FBF1: variants seen among roughly 807,000 people sequenced by gnomAD.
The protein encoded by FBF1 is fas-binding factor 1.
FBF1 carries 119 observed loss-of-function variants against 147.2 expected under a neutral mutation model. That is an observed-to-expected ratio of 0.81 (90% CI 0.70 to 0.94). FBF1 has a LOEUF of 0.94. Among genes scored for constraint, FBF1 ranks in the 40% least tolerant of loss-of-function variants. The probability of loss-of-function intolerance (pLI) is 0.00; values close to 1 mark genes in which losing one functional copy is unlikely to be tolerated. For missense variants in FBF1, 1,449 were observed against 1,500.8 expected, an observed-to-expected ratio of 0.97 and a Z score of 0.57; for synonymous variants, 601 against 609.0, an observed-to-expected ratio of 0.99 and a Z score of 0.19.
chr17:75,923,249 T>C lies in FBF1; in HGVS notation c.1361A>G (p.Gln454Arg). 6.3e-7 allele frequency: 1 copy of C among 1,590,898 alleles called. No individual in the cohort carries two copies. Among genetic ancestry groups the C allele is most frequent in the Non-Finnish European group, 8.6e-7 (1 of 1,169,150 alleles). Reference protein sequence around the residue: ...RKKSQGLAREQHAGTSEGLHL... With the variant: ...RKKSQGLARERHAGTSEGLHL... ...CAGGCCCTCAGAGGTCCCAGCATGC[T>C]GCTCTCTGGCCAGGCCTTGGGACTT... Residue 454 changes from glutamine (Q) to arginine (R), a missense_variant, in exon 14 of 30, where the codon CAG (glutamine) becomes CGG (arginine). Coordinates refer to ENST00000636174, the MANE Select transcript of FBF1 (RefSeq NM_001319193.2). The surrounding 1 kb of genome is among the most constrained non-coding windows in gnomAD (Gnocchi z 4.1).
At chr17:75,933,153 G>T in intron 4 of FBF1, 65 bp from the exon 5 acceptor site, 4 of 1,281,526 alleles carry the variant, frequency 3.1e-6, no homozygotes, top group South Asian at 1.3e-5. Context: ...AGATGCAAAG[G>T]CTGGCAAGCT....
chr17:75,922,133 T>C lies in FBF1; in HGVS notation c.1425-87A>G, dbSNP rs1279292771. 1 of 1,129,448 alleles carries C rather than the reference T, an allele frequency of 8.9e-7. No homozygotes were observed. The highest frequency in any genetic ancestry group is 2.6e-5 in the East Asian group (1 of 38,196). 70.0% of individuals were successfully genotyped at this position (1,129,448 alleles called of 1,614,324 possible). Reference sequence around the variant, plus strand: ...CAGGGCCCAGGACGGGCTTCACACGTGAAGCTCGTGGCCCCCCTTCCTCCT... The same window carrying C: ...CAGGGCCCAGGACGGGCTTCACACGCGAAGCTCGTGGCCCCCCTTCCTCCT... On this transcript the variant is annotated intron_variant, in intron 14 of 29. Coordinates refer to ENST00000636174, the MANE Select transcript of FBF1 (RefSeq NM_001319193.2). This position sits in a 1 kb window ranked among gnomAD's most constrained non-coding sequence, Gnocchi z 5.0.
chr17:75,927,308 G>T, intron 9 of FBF1, 147 bp downstream of exon 9: 1 of 666,692 alleles, frequency 1.5e-6, no homozygotes, highest in Non-Finnish European at 2.6e-6. Context: ...ATACAATATA[G>T]CTGGTCCCGA....
Position 75,913,781 on chromosome 17 carries a change from G to A in FBF1, c.3168C>T (p.Asp1056=). The A allele has an allele frequency of 6.2e-7, 1 of 1,605,960 alleles. No individual in the cohort carries two copies. Among genetic ancestry groups the A allele is most frequent in the Non-Finnish European group, 8.5e-7 (1 of 1,179,326 alleles). The change falls in exon 28 of 30, where the codon GAC becomes GAT. Residue 1056 remains aspartate (D), a synonymous_variant. Transcript: ENST00000636174. ...LSLAQQRLQL[D]RARQDLPSSL... is the part of the protein sequence containing the mutation. ...TAGAGGGCAGGTCCTGTCGTGCGCG[G>A]TCCAGTTGCAGCCTCTGCTGGGCCA...
At chr17:75,929,945 A>ACCCAC in intron 7 of FBF1, 52 bp downstream of exon 7, 1 of 650,910 alleles carries the variant, frequency 1.5e-6, no homozygotes. Context: ...AAATATCATG[A>ACCCAC]CCCCACCCCA....
rs1382166654 is a variant in FBF1, at chr17:75,919,787, C to T, written c.2019G>A (p.Leu673=). The change falls in exon 20 of 30, where the codon CTG becomes CTA. Residue 673 remains leucine (L), a synonymous_variant. Transcript: ENST00000636174. This position sits in a 1 kb window ranked among gnomAD's most constrained non-coding sequence, Gnocchi z 5.0. ...CCTGTTCGGCCTCCTGGCACTGCGA[C>T]AGATACCGAGCTGACAGCTCTTCGT... The part of the protein sequence containing the change: ...RENEELSARY[L]SQCQEAEQAR... 6.2e-7 allele frequency: 1 copy of T among 1,613,610 alleles called. No individual in the cohort carries two copies. The highest frequency in any genetic ancestry group is 1.7e-5 in the Admixed American group (1 of 60,006).
In FBF1 at chr17:75,920,369, G is replaced by C. The variant is rs530726157; in HGVS notation, c.1735C>G (p.Leu579Val). The change falls in exon 18 of 30, where the codon CTC becomes GTC. Residue 579 changes from leucine (L) to valine (V), a missense_variant. Leu to Val is a conservative substitution (Grantham distance 32, BLOSUM62 1). Transcript: ENST00000636174. The stretch of plus-strand genomic sequence containing the variant: ...TGAAGTTGCACCTGTGCTGCCAGGA[G>C]CTGCTTCTGGTATTCTGTGCTCGGC... ...LLPSTEYQKQ[L>V]LAAQVQLQCS... 3.1e-6 allele frequency: 5 copies of C among 1,605,804 alleles called. No individual in the cohort carries two copies. The African/African-American group carries it at 6.7e-5, about 21-fold the overall frequency.
Position 75,922,844 on chromosome 17 carries a change from C to T in FBF1, c.1424+342G>A, listed in dbSNP as rs941355474. Among the ~76,000 whole-genome samples the T allele has an allele frequency of 9.2e-5, 14 of 152,250 alleles. No individual in the cohort carries two copies. Among genetic ancestry groups the T allele is most frequent in the Admixed American group, 2.0e-4 (3 of 15,284 alleles). ...ACCGGCTGTTTGGATGCCGGGGCTTCCAGCCTGAGGGCGCTGTGACAGGGC... is the reference window on the plus strand; with the variant it reads ...ACCGGCTGTTTGGATGCCGGGGCTTTCAGCCTGAGGGCGCTGTGACAGGGC... On this transcript the variant is annotated intron_variant, in intron 14 of 29. Coordinates refer to ENST00000636174, the MANE Select transcript of FBF1 (RefSeq NM_001319193.2). This position sits in a 1 kb window ranked among gnomAD's most constrained non-coding sequence, Gnocchi z 5.0.
intron 4 of FBF1, among the ~76,000 whole-genome samples, chr17:75,933,748 C>T (rs2065607876): frequency 6.6e-6 from 1 of 152,122 alleles, no homozygotes; most frequent in Non-Finnish European, 1.5e-5. Flanking sequence ...TAAAAAGGGG[C>T]AAAGGATCTG....
At position 75,928,093 on chromosome 17, in the gene FBF1, T is replaced by C. The variant is rs1360326108; in HGVS notation, c.380A>G (p.Asn127Ser). The change falls in exon 8 of 30, where the codon AAC (asparagine) becomes AGC (serine). Residue 127 changes from asparagine to serine, a missense_variant. Physicochemically the swap from Asn to Ser is conservative, Grantham distance 46. Transcript: ENST00000636174. The surrounding 1 kb of genome is among the most constrained non-coding windows in gnomAD (Gnocchi z 4.2). ...TGACCCACCTGCAGGCTTGGGGTGG[T>C]TGGGCAGCTCTCCTTTCCCAGGGTC... ...AKDPGKGELP[N>S]HPKPAGGAIP... 6.2e-7 allele frequency: 1 copy of C among 1,613,430 alleles called. No individual in the cohort carries two copies. Among genetic ancestry groups the C allele is most frequent in the East Asian group, 2.2e-5 (1 of 44,874 alleles).
rs532188552 is a variant in FBF1, at chr17:75,925,081, C to T, written c.968+266G>A. On this transcript the variant is annotated intron_variant, in intron 13 of 29. Transcript: ENST00000636174. The surrounding 1 kb of genome is among the most constrained non-coding windows in gnomAD (Gnocchi z 5.0). ...TAGGTGGAGGCAGGCCCACCTGCCC[C>T]TTTCCTTCTGAGGCTGGGTGGGGCA... Among the ~76,000 whole-genome samples the T allele has an allele frequency of 6.6e-6, 1 of 152,310 alleles. No individual in the cohort carries two copies. The highest frequency in any genetic ancestry group is 2.1e-4 in the South Asian group (1 of 4,826).
chr17:75,912,371 TTGTTCC>T, intron 28 of FBF1, 64 bp from the exon 29 acceptor site: 1 of 1,292,998 alleles, frequency 7.7e-7, no homozygotes, highest in Non-Finnish European at 1.1e-6. Context: ...CGGTCACAGC[TTGTTCC>T]TGCAGAGCTG....
intron 1 of FBF1, among the ~76,000 whole-genome samples, chr17:75,938,584 G>A (rs528106498): frequency 2.9e-4 from 43 of 146,656 alleles, no homozygotes; most frequent in African/African-American, 6.2e-4. Context: ...AAAAGAGACC[G>A]GGCGCGATGG....
chr17:75,919,980 G>A lies in FBF1; in HGVS notation c.1931+27C>T. The A allele has an allele frequency of 1.2e-6, 2 of 1,609,830 alleles. No homozygotes were observed. The highest frequency in any genetic ancestry group is 1.7e-6 in the Non-Finnish European group (2 of 1,177,538). On this transcript the variant is annotated intron_variant, in intron 19 of 29. Coordinates refer to ENST00000636174, the MANE Select transcript of FBF1 (RefSeq NM_001319193.2). The surrounding 1 kb of genome is among the most constrained non-coding windows in gnomAD (Gnocchi z 5.0). ...CTTTGGGGTCAGTGTGAGATCCAAG[G>A]CAGAGCTGGGGCCAGCGCCAGGGTA...
At chr17:75,915,972 C>T (rs949000007) in intron 23 of FBF1, among the ~76,000 whole-genome samples, 3 of 133,990 alleles carry the variant, frequency 2.2e-5, no homozygotes, top group African/African-American at 8.8e-5. Flanking sequence ...TGCGCCACTA[C>T]ACTACAGCCT....
Position 75,920,333 on chromosome 17 carries a change from C to A in FBF1, c.1771G>T (p.Ala591Ser). 1.9e-6 allele frequency: 3 copies of A among 1,610,252 alleles called. No individual in the cohort carries two copies. The highest frequency in any genetic ancestry group is 2.5e-6 in the Non-Finnish European group (3 of 1,178,890). The change falls in exon 18 of 30, where the codon GCT (alanine) becomes TCT (serine). Residue 591 changes from alanine to serine, a missense_variant. Transcript: ENST00000636174. ...TGCAGCAGCTCGGCCTGGAGCTCAG[C>A]GGGGCTGCACTGAAGTTGCACCTGT... Reference protein sequence around the residue: ...AAQVQLQCSPAELQAELLHSQ... With the variant: ...AAQVQLQCSPSELQAELLHSQ...
At chr17:75,929,402 G>A (rs1217656000) in intron 7 of FBF1, among the ~76,000 whole-genome samples, 1 of 152,100 alleles carries the variant, frequency 6.6e-6, no homozygotes, top group South Asian at 2.1e-4. Flanking sequence ...CAAAAACGCG[G>A]CTTTGTCCTA....
At position 75,921,530 on chromosome 17, in the gene FBF1, T is replaced by C. The variant is rs767965800; in HGVS notation, c.1557A>G (p.Ser519=). The C allele has an allele frequency of 5.9e-5, 95 of 1,612,734 alleles. No individual in the cohort carries two copies. The highest frequency in any genetic ancestry group is 8.0e-5 in the Non-Finnish European group (94 of 1,179,566). ...TCTTTGGGGAACCTGTAGGGAGTGC[T>C]GAGGCGGCATGGTTCTGAGTCACAG... ...GSPVTQNHAA[S]ALPTGSPKRG... Residue 519 remains serine (S), a synonymous_variant, in exon 16 of 30, where the codon TCA becomes TCG. Transcript: ENST00000636174.
At position 75,914,203 on chromosome 17, in the gene FBF1, C is replaced by G. The variant is rs903948904; in HGVS notation, c.2910G>C (p.Glu970Asp). The G allele has an allele frequency of 4.4e-6, 7 of 1,591,330 alleles. No homozygotes were observed. In the East Asian group the frequency reaches 1.4e-4, roughly 31 times the overall value. Residue 970 changes from glutamate (E) to aspartate (D), a missense_variant, in exon 26 of 30, where the codon GAG becomes GAC. By Grantham distance (45) the Glu-to-Asp change is conservative. Coordinates refer to ENST00000636174, the MANE Select transcript of FBF1 (RefSeq NM_001319193.2). ...TGATCCTCTCCTTCTCCAGCCGCAGCTCCTGCCGCTCCTGCTCCAGGGCTG... is the reference window on the plus strand; with the variant it reads ...TGATCCTCTCCTTCTCCAGCCGCAGGTCCTGCCGCTCCTGCTCCAGGGCTG... The part of the protein sequence containing the change: ...ERAALEQERQ[E>D]LRLEKERINA...
Sources: gnomAD v4.1 joint callset for allele counts (sites outside exome capture counted in the v4.1 genomes callset) on GRCh38, gnomAD v4.1.1 for gene constraint, Gnocchi (gnomAD v3.1) non-coding constraint, MANE v1.5 for transcripts, NCBI Gene and HGNC (gene_info 2026-07-23, HGNC 2026-07-21) for gene names.